The following OR5AN1 variants were observed in gnomAD, a reference collection of about 807,000 sequenced individuals.
The protein encoded by OR5AN1 is olfactory receptor family 5 subfamily AN member 1.
For synonymous variants in OR5AN1, 167 were observed against 131.8 expected (o/e 1.27, Z -1.83); for missense variants, 476 against 368.9 (o/e 1.29, Z -2.38).
intron 1 of OR5AN1, among the ~76,000 whole-genome samples, chr11:59,360,346 T>C (rs1857450055): frequency 6.6e-6 from 1 of 152,258 alleles, no homozygotes; most frequent in Non-Finnish European, 1.5e-5. Flanking sequence ...AATATTTCCA[T>C]TAAATCTAAC....
At chr11:59,361,382 A>G (rs1857460377) in intron 1 of OR5AN1, among the ~76,000 whole-genome samples, 1 of 152,118 alleles carries the variant, frequency 6.6e-6, no homozygotes, top group Non-Finnish European at 1.5e-5. Flanking sequence ...CCCAGGTTCA[A>G]GCAATTCCCC....
At chr11:59,360,429 T>C (rs1857450862) in intron 1 of OR5AN1, among the ~76,000 whole-genome samples, 1 of 152,160 alleles carries the variant, frequency 6.6e-6, no homozygotes, top group Non-Finnish European at 1.5e-5. Flanking sequence ...TTCATTTTTA[T>C]TTTTATTTTA....
In OR5AN1 at chr11:59,368,947, C is replaced by T. The variant is rs537323816; in HGVS notation, c.*3553C>T. On this transcript the variant is annotated 3_prime_UTR_variant, in exon 2 of 2. Coordinates refer to ENST00000641998, the MANE Select transcript of OR5AN1 (RefSeq NM_001004729.2). ...AACAGAACAAGAGTCTTCCAGCTGT[C>T]CTGTAAGCCTAGGTATCACCTACTG... 6.6e-6 allele frequency: 1 copy of T among 152,210 alleles called. No individual in the cohort carries two copies. The highest frequency in any genetic ancestry group is 2.4e-5 in the African/African-American group (1 of 41,444). The allele number at this position is 152,210 out of a possible 1,614,324, so 9.4% of individuals were successfully genotyped here. A position where few individuals can be genotyped will look rare whatever the true frequency, so the allele number is the denominator to read the frequency against.
At position 59,366,314 on chromosome 11, in the gene OR5AN1, A is replaced by G. The variant is rs1857533476; in HGVS notation, c.*920A>G. 1.3e-5 allele frequency: 2 copies of G among 152,196 alleles called. No individual in the cohort carries two copies. Among genetic ancestry groups the G allele is most frequent in the Non-Finnish European group, 1.5e-5 (1 of 68,038 alleles). The allele number at this position is 152,196 out of a possible 1,614,324, so 9.4% of individuals were successfully genotyped here. ...TTGAATCCAGGAGAGGATGAAAGAA[A>G]CATGGGTCAAATATATTTCAGTCAA... On this transcript the variant is annotated 3_prime_UTR_variant, in exon 2 of 2. Coordinates refer to ENST00000641998, the MANE Select transcript of OR5AN1 (RefSeq NM_001004729.2).
rs1167735474 is a variant in OR5AN1, at chr11:59,368,798, G to A, written c.*3404G>A. On this transcript the variant is annotated 3_prime_UTR_variant, in exon 2 of 2. Transcript: ENST00000641998. ...ACACAAAGATCTCCCCAGAGCTGCA[G>A]CAGGCAGCCCAGGAGTGCTGAATCA... The A allele has an allele frequency of 6.6e-6, 1 of 152,252 alleles. No individual in the cohort carries two copies. The allele number at this position is 152,252 out of a possible 1,614,324, so 9.4% of individuals were successfully genotyped here. A position where few individuals can be genotyped will look rare whatever the true frequency, so the allele number is the denominator to read the frequency against.
At position 59,367,477 on chromosome 11, in the gene OR5AN1, AG is replaced by A. The variant is rs1430992648; in HGVS notation, c.*2087del. ...TAACCCTAGGAAAGAGGCTGAATCC[AG>A]GGGTGTTAACAGCAACAACCCACAG... is the stretch of plus-strand genomic sequence containing the variant. On this transcript the variant is annotated 3_prime_UTR_variant, in exon 2 of 2. Coordinates refer to ENST00000641998, the MANE Select transcript of OR5AN1 (RefSeq NM_001004729.2). The A allele has an allele frequency of 6.6e-6, 1 of 152,224 alleles. No individual in the cohort carries two copies. Among genetic ancestry groups the A allele is most frequent in the Non-Finnish European group, 1.5e-5 (1 of 68,054 alleles). The allele number at this position is 152,224 out of a possible 1,614,324, so 9.4% of individuals were successfully genotyped here.
rs569270727 is a variant in OR5AN1 at position 59,365,146 on chromosome 11, A to G, written c.688A>G (p.Thr230Ala). Residue 230 changes from threonine to alanine, a missense_variant, in exon 2 of 2, where the codon ACT (threonine) becomes GCT (alanine). Thr to Ala is a moderately conservative substitution (Grantham distance 58). Transcript: ENST00000641998. ...TATTGGCATCTCCATCATGAAGATC[A>G]CTTCAGCTAAAGGCAGGTCCAAGGC... ...GYIGISIMKI[T>A]SAKGRSKAFN... 9 of 1,614,048 alleles carry G rather than the reference A, an allele frequency of 5.6e-6. No individual in the cohort carries two copies. The East Asian group carries it at 8.9e-5, about 16-fold the overall frequency.
chr11:59,364,194 T>A (rs1035092520), intron 1 of OR5AN1, among the ~76,000 whole-genome samples: 1 of 152,236 alleles, frequency 6.6e-6, no homozygotes, highest in Non-Finnish European at 1.5e-5. Context: ...GCATATTTTT[T>A]AAAAATTACC....
Position 59,366,417 on chromosome 11 carries a change from C to A in OR5AN1, c.*1023C>A, listed in dbSNP as rs1857534841. 1 of 152,200 alleles carries A rather than the reference C, an allele frequency of 6.6e-6. No homozygotes were observed. Among genetic ancestry groups the A allele is most frequent in the Non-Finnish European group, 1.5e-5 (1 of 68,058 alleles). 9.4% of individuals were successfully genotyped at this position (152,200 alleles called of 1,614,324 possible). On this transcript the variant is annotated 3_prime_UTR_variant, in exon 2 of 2. Coordinates refer to ENST00000641998, the MANE Select transcript of OR5AN1 (RefSeq NM_001004729.2). ...AAGCCTACTCTACATCAGCCAGTCC[C>A]AGCTGATCTCCAGATGATCTGAGGA... is the stretch of plus-strand genomic sequence containing the variant.
At chr11:59,364,405 T>C in intron 1 of OR5AN1, 41 bp from the exon 2 acceptor site, 2 of 1,252,920 alleles carry the variant, frequency 1.6e-6, no homozygotes, top group Non-Finnish European at 2.3e-6. Context: ...TCACTTCAAC[T>C]GAGTTAGCAA....
intron 1 of OR5AN1, among the ~76,000 whole-genome samples, chr11:59,362,176 T>A (rs892753478): frequency 6.6e-6 from 1 of 152,192 alleles, no homozygotes; most frequent in East Asian, 1.9e-4. Context: ...TCTTATATAT[T>A]AAGGTAATAA....
At chr11:59,361,443 G>A (rs1451237054) in intron 1 of OR5AN1, among the ~76,000 whole-genome samples, 2 of 152,092 alleles carry the variant, frequency 1.3e-5, no homozygotes, top group Non-Finnish European at 2.9e-5. Flanking sequence ...ACAAAGCCTG[G>A]CTAATTTTTG....
At position 59,371,164 on chromosome 11, in the gene OR5AN1, T is replaced by C. The variant is rs924944425; in HGVS notation, c.*5770T>C. The C allele has an allele frequency of 1.3e-5, 2 of 152,038 alleles. No homozygotes were observed. Among genetic ancestry groups the C allele is most frequent in the Admixed American group, 1.3e-4 (2 of 15,252 alleles). The allele number at this position is 152,038 out of a possible 1,614,324, so 9.4% of individuals were successfully genotyped here. ...TTTCCACTAAAGATAGCCTTCCAGG[T>C]CAGCACATAAAGATAAACATTTTTA... is the stretch of plus-strand genomic sequence containing the variant. On this transcript the variant is annotated 3_prime_UTR_variant, in exon 2 of 2. Transcript: ENST00000641998.
Position 59,365,987 on chromosome 11 carries a change from C to T in OR5AN1, c.*593C>T, listed in dbSNP as rs1048210666. 1 of 152,204 alleles carries T rather than the reference C, an allele frequency of 6.6e-6. No homozygotes were observed. Among genetic ancestry groups the T allele is most frequent in the Non-Finnish European group, 1.5e-5 (1 of 68,052 alleles). The allele number at this position is 152,204 out of a possible 1,614,324, so 9.4% of individuals were successfully genotyped here. ...GATAGCTGCAGTTTGCCTAAGACCT[C>T]TCTCAGCTAATCATCTAATACATTT... On this transcript the variant is annotated 3_prime_UTR_variant, in exon 2 of 2. Coordinates refer to ENST00000641998, the MANE Select transcript of OR5AN1 (RefSeq NM_001004729.2).
Position 59,364,453 on chromosome 11 carries a change from G to A in OR5AN1, c.-6G>A, listed in dbSNP as rs1482397506. ...TCTCCTTTCTGATATTAGGAGCACT[G>A]AGCCAATGACTGGGGGAGGAAATAT... On this transcript the variant is annotated 5_prime_UTR_variant, in exon 2 of 2. It removes the in-frame stop codon of an upstream open reading frame in the 5' UTR. Coordinates refer to ENST00000641998, the MANE Select transcript of OR5AN1 (RefSeq NM_001004729.2). 1.3e-6 allele frequency: 2 copies of A among 1,593,454 alleles called. No individual in the cohort carries two copies. The highest frequency in any genetic ancestry group is 1.7e-5 in the Admixed American group (1 of 58,938).
At chr11:59,360,870 T>G (rs1857455215) in intron 1 of OR5AN1, among the ~76,000 whole-genome samples, 1 of 152,214 alleles carries the variant, frequency 6.6e-6, no homozygotes. Flanking sequence ...AAAATAAGAT[T>G]TTCTTAGTTT....
In OR5AN1 at chr11:59,367,636, A is replaced by T. The variant is rs975555462; in HGVS notation, c.*2242A>T. On this transcript the variant is annotated 3_prime_UTR_variant, in exon 2 of 2. Coordinates refer to ENST00000641998, the MANE Select transcript of OR5AN1 (RefSeq NM_001004729.2). Reference sequence around the variant, plus strand: ...CTGGGCTGTCATCTTTGCTGTTCAGATGCCTTAGCTGTTCCGGCCTTTGGG... The same window carrying T: ...CTGGGCTGTCATCTTTGCTGTTCAGTTGCCTTAGCTGTTCCGGCCTTTGGG... 1.3e-5 allele frequency: 2 copies of T among 152,312 alleles called. No individual in the cohort carries two copies. The highest frequency in any genetic ancestry group is 2.9e-5 in the Non-Finnish European group (2 of 68,156). 9.4% of individuals were successfully genotyped at this position (152,312 alleles called of 1,614,324 possible).
rs1198940221 is a variant in OR5AN1, at chr11:59,368,459, C to T, written c.*3065C>T. On this transcript the variant is annotated 3_prime_UTR_variant, in exon 2 of 2. Transcript: ENST00000641998. ...GCCTCTGCAGTGGAACTGCCCTTGA[C>T]ACGCTCCAACTAATGAATGAGCAAA... is the stretch of plus-strand genomic sequence containing the variant. 1 of 152,352 alleles carries T rather than the reference C, an allele frequency of 6.6e-6. No individual in the cohort carries two copies. Among genetic ancestry groups the T allele is most frequent in the Non-Finnish European group, 1.5e-5 (1 of 68,128 alleles). The allele number at this position is 152,352 out of a possible 1,614,324, so 9.4% of individuals were successfully genotyped here.
rs756821040 is a variant in OR5AN1, at chr11:59,364,794, G to A, written c.336G>A (p.Glu112=). 5 of 1,614,088 alleles carry A rather than the reference G, an allele frequency of 3.1e-6. No individual in the cohort carries two copies. Among genetic ancestry groups the A allele is most frequent in the Non-Finnish European group, 3.4e-6 (4 of 1,179,942 alleles). The change falls in exon 2 of 2, where the codon GAG becomes GAA. Residue 112 remains glutamate (E), a synonymous_variant. Transcript: ENST00000641998. ...TCTTTTCAACGATGGGACTGAGTGAGTCTTGTCTCATGACAGCCATGGCTT... is the reference window on the plus strand; with the variant it reads ...TCTTTTCAACGATGGGACTGAGTGAATCTTGTCTCATGACAGCCATGGCTT... ...YFIFSTMGLS[E]SCLMTAMAYD... is the part of the protein sequence containing the mutation.
Sources: gnomAD v4.1 joint callset for allele counts (sites outside exome capture counted in the v4.1 genomes callset) on GRCh38, gnomAD v4.1.1 for gene constraint, MANE v1.5 for transcripts, NCBI Gene and HGNC (gene_info 2026-07-23, HGNC 2026-07-21) for gene names.